LRRC63: variants seen among roughly 807,000 people sequenced by gnomAD.
LRRC63 encodes leucine-rich repeat-containing protein 63.
A neutral mutation model predicts 49.5 loss-of-function variants in LRRC63; 40 were observed. That is an observed-to-expected ratio of 0.81 (90% CI 0.63 to 1.05). The LOEUF is 1.05. Ranked by LOEUF, LRRC63 falls within the 50% of genes least tolerant of loss-of-function variation. The pLI is 0.00. For synonymous variants in LRRC63, 191 were observed against 221.1 expected, an observed-to-expected ratio of 0.86 and a Z score of 1.21; for missense variants, 636 against 663.1, an observed-to-expected ratio of 0.96 and a Z score of 0.45.
intron 6 of LRRC63, among the ~76,000 whole-genome samples, chr13:46,248,213 A>G (rs2047271259): frequency 6.6e-6 from 1 of 152,082 alleles, no homozygotes; most frequent in Admixed American, 6.6e-5. Context: ...AGGAAGAATT[A>G]AAAGAACATA....
At position 46,272,111 on chromosome 13, in the gene LRRC63, G is replaced by A. The variant is rs190972183; in HGVS notation, c.1551-4479G>A. On this transcript the variant is annotated intron_variant, in intron 9 of 9. Coordinates refer to ENST00000595396, the Ensembl canonical transcript of LRRC63. ...TTGATAACTCAGAGGGCAACAATGG[G>A]TAGCGTCTACAATGTGGATACATTG... Among the ~76,000 whole-genome samples, 71 of 152,314 alleles carry A rather than the reference G, an allele frequency of 4.7e-4. 1 individual carries two copies. In the East Asian group the frequency reaches 0.013, roughly 29 times the overall value.
chr13:46,276,852 TTATATATATATATATTTA>T lies in LRRC63; in HGVS notation c.*61_*78del, dbSNP rs2047848524. The stretch of plus-strand genomic sequence containing the variant: ...TGTATATATATATATATATATATAT[TTATATATATATATATTTA>T]TATATATATATTCATATATATATAT... On this transcript the variant is annotated 3_prime_UTR_variant, in exon 10 of 10. Coordinates refer to ENST00000595396, the Ensembl canonical transcript of LRRC63. The T allele has an allele frequency of 5.0e-5, 6 of 120,548 alleles. No homozygotes were observed. In the East Asian group the frequency reaches 7.3e-4, roughly 15 times the overall value. 7.5% of individuals were successfully genotyped at this position (120,548 alleles called of 1,614,324 possible).
intron 2 of LRRC63, among the ~76,000 whole-genome samples, chr13:46,218,749 C>A (rs2046325215): frequency 1.3e-5 from 2 of 152,118 alleles, no homozygotes; most frequent in Non-Finnish European, 2.9e-5. Flanking sequence ...CCAGTTTTTA[C>A]CTTCCATATT....
At chr13:46,219,237 C>A (rs2046338399) in intron 2 of LRRC63, among the ~76,000 whole-genome samples, 1 of 152,190 alleles carries the variant, frequency 6.6e-6, no homozygotes, top group Non-Finnish European at 1.5e-5. Flanking sequence ...TTCAGGTACA[C>A]CAATCAAATG....
In LRRC63 at chr13:46,216,693, G is replaced by T. The variant is rs111593631; in HGVS notation, c.85+3574G>T. Among the ~76,000 whole-genome samples the T allele has an allele frequency of 5.6e-4, 85 of 152,260 alleles. 1 individual carries two copies. Among genetic ancestry groups the T allele is most frequent in the Middle Eastern group, 3.4e-3 (1 of 294 alleles). On this transcript the variant is annotated intron_variant, in intron 2 of 9. Transcript: ENST00000595396. ...CCTTGTCTTGTGCCAGTTTTCAAAGGGAATGCTTCCAGCTTTTGCCCATTC... is the reference window on the plus strand; with the variant it reads ...CCTTGTCTTGTGCCAGTTTTCAAAGTGAATGCTTCCAGCTTTTGCCCATTC...
At chr13:46,218,105 T>C (rs144262232) in intron 2 of LRRC63, among the ~76,000 whole-genome samples, 249 of 152,326 alleles carry the variant, frequency 1.6e-3, no homozygotes, top group African/African-American at 5.7e-3. Context: ...GTTCTGTAGA[T>C]GTCTATTAGG....
chr13:46,214,651 A>T (rs1231570827), intron 2 of LRRC63, among the ~76,000 whole-genome samples: 1 of 151,512 alleles, frequency 6.6e-6, no homozygotes, highest in African/African-American at 2.4e-5. Context: ...TTTCTTCTAA[A>T]AAAAAAAAAA....
chr13:46,216,437 C>T (rs1423344782), intron 2 of LRRC63, among the ~76,000 whole-genome samples: 4 of 152,086 alleles, frequency 2.6e-5, no homozygotes, highest in Non-Finnish European at 5.9e-5. Flanking sequence ...TTGGTGTATA[C>T]GAATGCCTGT....
intron 7 of LRRC63, among the ~76,000 whole-genome samples, chr13:46,250,928 T>C (rs910536015): frequency 2.0e-5 from 3 of 151,890 alleles, no homozygotes; most frequent in African/African-American, 7.2e-5. Flanking sequence ...ATCTGTAAAC[T>C]AAGGAGATTG....
chr13:46,235,802 A>C (rs7996412), intron 5 of LRRC63, among the ~76,000 whole-genome samples: 1,895 of 152,298 alleles, frequency 0.012, 37 homozygotes, highest in East Asian at 0.041. Context: ...AAGCACAGAC[A>C]TTGGACTTAC....
At chr13:46,270,759 C>T in intron 9 of LRRC63, 1 of 487,800 alleles carries the variant, frequency 2.1e-6, no homozygotes, top group East Asian at 4.1e-5. Flanking sequence ...CTTCACTTAC[C>T]TTCGTTTCCC....
chr13:46,266,025 C>T (rs973772486), intron 8 of LRRC63, among the ~76,000 whole-genome samples: 3 of 152,100 alleles, frequency 2.0e-5, no homozygotes, highest in African/African-American at 4.8e-5. Flanking sequence ...CAGTTTGTTT[C>T]CTAAAGTTCA....
At chr13:46,258,680 T>C (rs1050855783) in intron 7 of LRRC63, among the ~76,000 whole-genome samples, 4 of 150,554 alleles carry the variant, frequency 2.7e-5, no homozygotes, top group South Asian at 2.1e-4. Flanking sequence ...TGGTGGCGTG[T>C]GCCTGTAATC....
chr13:46,274,632 G>C (rs932455968), intron 9 of LRRC63, among the ~76,000 whole-genome samples: 3 of 152,194 alleles, frequency 2.0e-5, no homozygotes, highest in Admixed American at 1.3e-4. Flanking sequence ...TGAGAATGGG[G>C]TCAGAAGACT....
chr13:46,245,549 A>G (rs779901313), intron 5 of LRRC63, among the ~76,000 whole-genome samples: 1 of 152,208 alleles, frequency 6.6e-6, no homozygotes, highest in Non-Finnish European at 1.5e-5. Flanking sequence ...GATATCTAGA[A>G]AAGTACCAAA....
At chr13:46,228,600 AT>A in intron 3 of LRRC63, 64 bp from the exon 4 acceptor site, 1 of 968,786 alleles carries the variant, frequency 1.0e-6, no homozygotes, top group Non-Finnish European at 1.6e-6. Flanking sequence ...TATTGAAGTC[AT>A]AAAACCCTCA....
At chr13:46,233,319 G>A (rs944961221) in intron 4 of LRRC63, among the ~76,000 whole-genome samples, 2 of 152,040 alleles carry the variant, frequency 1.3e-5, no homozygotes, top group African/African-American at 4.8e-5. Flanking sequence ...CCAAGCCAAG[G>A]CATCTCTATA....
At chr13:46,226,635 A>G (rs1325293827) in intron 2 of LRRC63, among the ~76,000 whole-genome samples, 3 of 152,132 alleles carry the variant, frequency 2.0e-5, no homozygotes, top group Admixed American at 6.5e-5. Context: ...CATCCCTCCT[A>G]CACCCTCCAT....
exon 3 of LRRC63, chr13:46,227,539 A>G: frequency 1.3e-6 from 2 of 1,538,426 alleles, no homozygotes; most frequent in Admixed American, 2.0e-5. Flanking sequence ...GAGTCACTAC[A>G]TGTAGCATTC....
Sources: gnomAD v4.1 joint callset for allele counts (sites outside exome capture counted in the v4.1 genomes callset) on GRCh38, gnomAD v4.1.1 for gene constraint, MANE v1.5 for transcripts, NCBI Gene and HGNC (gene_info 2026-07-23, HGNC 2026-07-21) for gene names.